SLC36A2: variants seen among roughly 807,000 people sequenced by gnomAD.
SLC36A2 encodes solute carrier family 36 member 2, also known as proton-coupled amino acid transporter 2.
Under a neutral mutation model 42.7 loss-of-function variants are expected in SLC36A2, and 39 were observed. The ratio of observed to expected loss-of-function variants is 0.91; its 90% CI spans 0.71 to 1.19. SLC36A2 has a LOEUF of 1.19. SLC36A2 is among the 50% of genes most tolerant of loss of function. The pLI is 0.00. For missense variants in SLC36A2, 590 were observed against 613.7 expected (o/e 0.96, Z 0.41); for synonymous variants, 237 against 240.8 (o/e 0.98, Z 0.15).
chr5:151,331,063 A>C (rs1755982099), intron 7 of SLC36A2, among the ~76,000 whole-genome samples: 1 of 152,192 alleles, frequency 6.6e-6, no homozygotes, highest in Non-Finnish European at 1.5e-5. Flanking sequence ...GATTTTTGAC[A>C]AGAGTGTCAA....
At chr5:151,345,214 C>T (rs1756460032) in intron 1 of SLC36A2, among the ~76,000 whole-genome samples, 1 of 152,172 alleles carries the variant, frequency 6.6e-6, no homozygotes. Flanking sequence ...ACACGTGCAA[C>T]TTTAGAAACC....
chr5:151,340,198 GGA>G (rs1756294763), intron 4 of SLC36A2, among the ~76,000 whole-genome samples: 1 of 144,420 alleles, frequency 6.9e-6, no homozygotes, highest in African/African-American at 2.8e-5. Context: ...AGGTGGAGGA[GGA>G]GGAGAGGAGG....
At chr5:151,333,792 C>G (rs1305923391) in intron 6 of SLC36A2, among the ~76,000 whole-genome samples, 1 of 151,996 alleles carries the variant, frequency 6.6e-6, no homozygotes, top group Non-Finnish European at 1.5e-5. Flanking sequence ...AACCCAAGAT[C>G]GCACCACTGC....
chr5:151,341,935 ACTTTT>A (rs1162642783), intron 4 of SLC36A2, among the ~76,000 whole-genome samples: 1 of 152,218 alleles, frequency 6.6e-6, no homozygotes, highest in Admixed American at 6.5e-5. Flanking sequence ...GATCAAGTCA[ACTTTT>A]CTTCATCCCA....
chr5:151,324,538 GC>G (rs1471621620), intron 8 of SLC36A2, among the ~76,000 whole-genome samples: 1 of 152,032 alleles, frequency 6.6e-6, no homozygotes. Context: ...TGCCATGTTG[GC>G]CAGGCTGGTC....
intron 5 of SLC36A2, among the ~76,000 whole-genome samples, chr5:151,337,931 G>A (rs1756205258): frequency 6.6e-6 from 1 of 152,196 alleles, no homozygotes; most frequent in African/African-American, 2.4e-5. Flanking sequence ...TTTCTTTGCA[G>A]AAATACAGCA....
chr5:151,316,790 G>GC lies in SLC36A2; in HGVS notation c.*26dup, dbSNP rs1755506334. On this transcript the variant is annotated 3_prime_UTR_variant, in exon 10 of 10. Transcript: ENST00000335244. ...AGATCCATATAATTAAAAGTCGGGTGCTGGTAGGCAAGGAGCAGTGCCAGG... is the reference window on the plus strand; with the variant it reads ...AGATCCATATAATTAAAAGTCGGGTGCCTGGTAGGCAAGGAGCAGTGCCAGG... 1 of 1,610,594 alleles carries GC rather than the reference G, an allele frequency of 6.2e-7. No individual in the cohort carries two copies. The highest frequency in any genetic ancestry group is 1.1e-5 in the South Asian group (1 of 90,944).
intron 5 of SLC36A2, among the ~76,000 whole-genome samples, chr5:151,337,384 A>T (rs1184681646): frequency 1.3e-5 from 2 of 152,074 alleles, no homozygotes; most frequent in Non-Finnish European, 2.9e-5. Context: ...TTGCACCCTG[A>T]CCTCACGTTG....
chr5:151,331,476 C>A (rs1755994025), intron 7 of SLC36A2, among the ~76,000 whole-genome samples: 1 of 149,378 alleles, frequency 6.7e-6, no homozygotes, highest in Non-Finnish European at 1.5e-5. Context: ...CCACTACACC[C>A]AGCTAATTAA....
intron 9 of SLC36A2, chr5:151,321,831 C>T: frequency 1.9e-6 from 1 of 526,846 alleles, no homozygotes; most frequent in Middle Eastern, 5.4e-4. Flanking sequence ...GCACGTGCCA[C>T]CACGCCTGGT....
intron 4 of SLC36A2, among the ~76,000 whole-genome samples, chr5:151,341,613 A>G (rs1756347478): frequency 6.6e-6 from 1 of 152,166 alleles, no homozygotes. Flanking sequence ...GAGAGCTAAA[A>G]GGTGGGATTT....
rs761710972 is a variant in SLC36A2, at chr5:151,342,881, A to G, written c.440+7T>C. The G allele has an allele frequency of 1.2e-6, 2 of 1,613,452 alleles. No homozygotes were observed. The highest frequency in any genetic ancestry group is 4.5e-5 in the East Asian group (2 of 44,868). ...ACCCCACTGCAGGCAAAGCAAGAAC[A>G]GGTTACCTTCCCCAGTGAGCGTGAT... On this transcript the variant is annotated splice_region_variant and intron_variant, in intron 4 of 9. Transcript: ENST00000335244.
At chr5:151,333,188 G>C in intron 7 of SLC36A2, 36 bp downstream of exon 7, 1 of 1,554,878 alleles carries the variant, frequency 6.4e-7, no homozygotes, top group African/African-American at 1.4e-5. Context: ...TCACTCACAA[G>C]CACTAGGGAT....
At position 151,333,231 on chromosome 5, in the gene SLC36A2, A is replaced by T. The variant is rs147405095; in HGVS notation, c.836T>A (p.Ile279Asn). The change falls in exon 7 of 10, where the codon ATT (isoleucine) becomes AAT (asparagine). Residue 279 changes from isoleucine (I) to asparagine (N), a missense_variant. Ile to Asn is a moderately radical substitution (Grantham distance 149). Coordinates refer to ENST00000335244, the MANE Select transcript of SLC36A2 (RefSeq NM_181776.3). ...CCTCAATTCAAACCTTACCACACCA[A>T]TGCTTTCAAAAGAAAAAATGGCTGT... ...FGTAIFSFES[I>N]GVVLPLENKM... The T allele has an allele frequency of 5.6e-6, 9 of 1,613,562 alleles. No homozygotes were observed. The highest frequency in any genetic ancestry group is 7.6e-6 in the Non-Finnish European group (9 of 1,179,706).
intron 7 of SLC36A2, among the ~76,000 whole-genome samples, chr5:151,326,833 G>A (rs1016168994): frequency 1.7e-5 from 1 of 58,860 alleles, no homozygotes; most frequent in African/African-American, 7.4e-5. Context: ...TTTCTTTTTT[G>A]GAGAGTCTCA....
chr5:151,323,766 C>A (rs979769437), intron 8 of SLC36A2, among the ~76,000 whole-genome samples: 1 of 152,248 alleles, frequency 6.6e-6, no homozygotes, highest in Non-Finnish European at 1.5e-5. Context: ...GTTCCTCCCC[C>A]ATTCCCACCG....
rs1274664454 is a variant in SLC36A2, at chr5:151,315,927, A to G, written c.*890T>C. 6.6e-6 allele frequency: 1 copy of G among 152,138 alleles called. No individual in the cohort carries two copies. The allele number at this position is 152,138 out of a possible 1,614,324, so 9.4% of individuals were successfully genotyped here. A position where few individuals can be genotyped will look rare whatever the true frequency, so the allele number is the denominator to read the frequency against. On this transcript the variant is annotated 3_prime_UTR_variant, in exon 10 of 10. Transcript: ENST00000335244. ...ATTGTTGGGATCTTTGAGTTGGGAGAAAATGTTATCTAATCGTTTGAAATG... is the reference window on the plus strand; with the variant it reads ...ATTGTTGGGATCTTTGAGTTGGGAGGAAATGTTATCTAATCGTTTGAAATG...
intron 7 of SLC36A2, 132 bp from the exon 8 acceptor site, chr5:151,325,584 C>T: frequency 1.0e-6 from 1 of 957,568 alleles, no homozygotes; most frequent in Non-Finnish European, 1.6e-6. Flanking sequence ...CACTTATGTT[C>T]ACAGTAGTGC....
At chr5:151,318,597 TATA>T (rs1055658490) in intron 9 of SLC36A2, among the ~76,000 whole-genome samples, 6 of 145,636 alleles carry the variant, frequency 4.1e-5, no homozygotes, top group African/African-American at 7.5e-5. Flanking sequence ...TATATAAAAA[TATA>T]ATAAATATAA....
Sources: allele counts gnomAD v4.1 joint callset (sites outside exome capture counted in the v4.1 genomes callset), GRCh38; gene constraint gnomAD v4.1.1; transcripts MANE v1.5; gene names NCBI Gene and HGNC (gene_info 2026-07-23, HGNC 2026-07-21).